TIAM2: variants seen among roughly 807,000 people sequenced by gnomAD.
TIAM2 encodes TIAM Rac1 associated GEF 2.
A neutral mutation model predicts 152.9 loss-of-function variants in TIAM2; 80 were observed. The ratio of observed to expected loss-of-function variants is 0.52; its 90% CI spans 0.44 to 0.63. The LOEUF (loss-of-function observed/expected upper bound fraction) is 0.63, where lower values mean the gene tolerates loss of function less well. TIAM2 is among the 30% of genes least tolerant of loss of function. The pLI, the probability that TIAM2 is intolerant of heterozygous loss-of-function variation, is 0.00. For missense variants in TIAM2, 1,965 were observed against 2,120.1 expected, an observed-to-expected ratio of 0.93 and a Z score of 1.44; for synonymous variants, 804 against 838.0, an observed-to-expected ratio of 0.96 and a Z score of 0.70.
intron 1 of TIAM2, among the ~76,000 whole-genome samples, chr6:155,056,225 G>A (rs1465622562): frequency 7.5e-6 from 1 of 133,958 alleles, no homozygotes; most frequent in African/African-American, 2.9e-5. Context: ...AGGCTGGAGT[G>A]CAGTGGCGCG....
chr6:155,253,631 G>A (rs1167829142), intron 24 of TIAM2: 36 of 203,122 alleles, frequency 1.8e-4, no homozygotes, highest in Non-Finnish European at 2.0e-5. Flanking sequence ...TTTACCTCAA[G>A]TACCCCAGCT....
chr6:155,083,565 T>C (rs1334790225), intron 1 of TIAM2, among the ~76,000 whole-genome samples: 1 of 152,140 alleles, frequency 6.6e-6, no homozygotes, highest in Non-Finnish European at 1.5e-5. Context: ...TTGTAAATAT[T>C]GCACAAGCCT....
chr6:155,076,628 T>C (rs187075403), intron 1 of TIAM2, among the ~76,000 whole-genome samples: 1 of 152,192 alleles, frequency 6.6e-6, no homozygotes, highest in Non-Finnish European at 1.5e-5. Flanking sequence ...ATCCTGAAAA[T>C]ATAACGTAGG....
chr6:155,077,758 G>C (rs559776396), intron 1 of TIAM2, among the ~76,000 whole-genome samples: 25 of 152,242 alleles, frequency 1.6e-4, no homozygotes, highest in African/African-American at 5.8e-4. Context: ...TGGAGGGTGG[G>C]CGTAATTGTT....
chr6:155,044,456 T>C (rs530921568), intron 1 of TIAM2, among the ~76,000 whole-genome samples: 2 of 152,336 alleles, frequency 1.3e-5, no homozygotes, highest in East Asian at 3.9e-4. Flanking sequence ...TTTGGTCAGC[T>C]GGGGAAACTT....
intron 1 of TIAM2, among the ~76,000 whole-genome samples, chr6:155,056,461 C>T (rs142234989): frequency 3.3e-5 from 5 of 151,808 alleles, no homozygotes; most frequent in African/African-American, 7.3e-5. Flanking sequence ...CGTGAGCCAC[C>T]GCGCCTGGCC....
At chr6:155,029,490 GTATA>G (rs1776765207) in intron 1 of TIAM2, among the ~76,000 whole-genome samples, 1 of 31,182 alleles carries the variant, frequency 3.2e-5, no homozygotes, top group Non-Finnish European at 5.7e-5. Flanking sequence ...ATATACTATA[GTATA>G]TATTATATAT....
chr6:155,223,017 G>A lies in TIAM2; in HGVS notation c.3168+11710G>A, dbSNP rs191645645. 5.0e-4 allele frequency among the ~76,000 whole-genome samples: 76 copies of A among 152,236 alleles called. 1 individual carries two copies. In the South Asian group the frequency reaches 6.0e-3, roughly 12 times the overall value. On this transcript the variant is annotated intron_variant, in intron 15 of 26. Coordinates refer to ENST00000682666, the MANE Select transcript of TIAM2 (RefSeq NM_012454.4). ...GATACCGTATTTCCAGATGCTCTCT[G>A]CTCTTTTATGCACTTACGTTATTTA... is the stretch of plus-strand genomic sequence containing the variant.
intron 2 of TIAM2, among the ~76,000 whole-genome samples, chr6:155,116,902 A>G (rs1436314029): frequency 6.6e-6 from 1 of 152,116 alleles, no homozygotes; most frequent in East Asian, 1.9e-4. Flanking sequence ...AAGACATGCT[A>G]ACAGCTTTAG....
intron 1 of TIAM2, among the ~76,000 whole-genome samples, chr6:155,005,896 T>C (rs1266287063): frequency 6.6e-6 from 1 of 152,190 alleles, no homozygotes; most frequent in Non-Finnish European, 1.5e-5. Context: ...GTGATCTGCC[T>C]GCCTCGGCAT....
intron 1 of TIAM2, among the ~76,000 whole-genome samples, chr6:155,020,710 G>A (rs1776461675): frequency 6.6e-6 from 1 of 152,222 alleles, no homozygotes; most frequent in East Asian, 1.9e-4. Context: ...TGATCTGCCA[G>A]CCTCGGCCTC....
At chr6:155,108,374 G>T (rs1013420985) in intron 2 of TIAM2, among the ~76,000 whole-genome samples, 10 of 152,076 alleles carry the variant, frequency 6.6e-5, no homozygotes, top group Admixed American at 2.0e-4. Flanking sequence ...AAAAAATGCG[G>T]CTCTGACAGA....
intron 14 of TIAM2, among the ~76,000 whole-genome samples, chr6:155,203,742 A>G (rs1234177431): frequency 6.6e-6 from 1 of 152,204 alleles, no homozygotes. Context: ...TGAGAGTCCC[A>G]CTGAAATACA....
intron 1 of TIAM2, among the ~76,000 whole-genome samples, chr6:155,081,619 C>T (rs942368298): frequency 6.6e-6 from 1 of 152,164 alleles, no homozygotes; most frequent in African/African-American, 2.4e-5. Context: ...CCCTGAAAGC[C>T]ACTTATTCCA....
intron 2 of TIAM2, among the ~76,000 whole-genome samples, chr6:155,116,915 C>T (rs1172915307): frequency 6.6e-6 from 1 of 151,832 alleles, no homozygotes; most frequent in African/African-American, 2.4e-5. Context: ...AGCTTTAGGT[C>T]TTTTGAATCT....
At chr6:155,180,612 ATT>A (rs992365434) in intron 12 of TIAM2, among the ~76,000 whole-genome samples, 1 of 151,028 alleles carries the variant, frequency 6.6e-6, no homozygotes, top group South Asian at 2.1e-4. Flanking sequence ...TTTATTTTTT[ATT>A]TTTTTTGAGA....
intron 1 of TIAM2, among the ~76,000 whole-genome samples, chr6:155,010,172 GA>G (rs1778463597): frequency 6.6e-6 from 1 of 152,182 alleles, no homozygotes; most frequent in Non-Finnish European, 1.5e-5. Flanking sequence ...GACTGTTAGA[GA>G]GTGGAAAGAA....
intron 5 of TIAM2, among the ~76,000 whole-genome samples, chr6:155,141,447 A>G (rs1160838009): frequency 6.6e-6 from 1 of 152,222 alleles, no homozygotes; most frequent in Non-Finnish European, 1.5e-5. Context: ...AATTATCCTT[A>G]AAGTATCCAT....
intron 7 of TIAM2, among the ~76,000 whole-genome samples, chr6:155,161,700 T>C (rs1417270424): frequency 6.6e-6 from 1 of 151,452 alleles, no homozygotes; most frequent in African/African-American, 2.4e-5. Flanking sequence ...CCTGAGTAGC[T>C]GGGATTACAG....
Sources: allele counts gnomAD v4.1 joint callset (sites outside exome capture counted in the v4.1 genomes callset), GRCh38; gene constraint gnomAD v4.1.1; transcripts MANE v1.5; gene names NCBI Gene and HGNC (gene_info 2026-07-23, HGNC 2026-07-21).